TENM1: variants seen among roughly 807,000 people sequenced by gnomAD.
TENM1 encodes the protein teneurin-1.
TENM1 carries 35 observed loss-of-function variants against 174.8 expected under a neutral mutation model. The observed-to-expected ratio is 0.20, with a 90% CI of 0.15 to 0.27. TENM1 has a LOEUF of 0.27. Ranked by LOEUF, TENM1 falls within the 10% of genes least tolerant of loss-of-function variation. The pLI is 1.00. For missense variants in TENM1, 1,633 were observed against 2,130.1 expected, an observed-to-expected ratio of 0.77 and a Z score of 4.59; for synonymous variants, 781 against 798.7, an observed-to-expected ratio of 0.98 and a Z score of 0.37.
intron 23 of TENM1, among the ~76,000 whole-genome samples, chrX:124,428,803 A>G (rs2060746347): frequency 8.9e-6 from 1 of 111,743 alleles, no homozygotes; most frequent in African/African-American, 3.3e-5. Flanking sequence ...CTCCTTTTCA[A>G]CTGTGTTTCC....
At chrX:125,144,762 C>T in the TENM1 span, among the ~76,000 whole-genome samples, 21 of 105,104 alleles carry the variant, frequency 2.0e-4, no homozygotes, top group Non-Finnish European at 3.7e-4. Context: ...TTTTTTGAGA[C>T]AGTCTCACAC....
At chrX:124,748,637 T>C (rs990608191) in intron 3 of TENM1, among the ~76,000 whole-genome samples, 8 of 111,929 alleles carry the variant, frequency 7.1e-5, no homozygotes, top group African/African-American at 2.6e-4. Flanking sequence ...CTTTCTCTGC[T>C]ACTAATTTAC....
intron 1 of TENM1, among the ~76,000 whole-genome samples, chrX:124,905,827 G>A (rs191899299): frequency 3.6e-5 from 4 of 111,782 alleles, no homozygotes; most frequent in East Asian, 2.8e-4. Flanking sequence ...CAGCACATGC[G>A]TGCAAGAAAA....
In TENM1 at chrX:124,453,292, C is replaced by T. The variant is rs779852645; in HGVS notation, c.4104+45G>A. On this transcript the variant is annotated intron_variant, in intron 23 of 31. Coordinates refer to ENST00000422452, the Ensembl canonical transcript of TENM1. ...ACATGAGAAAATTGTTATCCATTTCCATGATGCCAAATGACAATAATACTT... is the reference window on the plus strand; with the variant it reads ...ACATGAGAAAATTGTTATCCATTTCTATGATGCCAAATGACAATAATACTT... 6.1e-6 allele frequency: 7 copies of T among 1,139,001 alleles called. No homozygotes were observed. In the Admixed American group the frequency reaches 1.8e-4, roughly 29 times the overall value. The allele number at this position is 1,139,001 out of a possible 1,213,427, so 93.9% of individuals were successfully genotyped here.
intron 3 of TENM1, among the ~76,000 whole-genome samples, chrX:124,767,796 G>A (rs910929050): frequency 1.8e-5 from 2 of 111,068 alleles, no homozygotes; most frequent in African/African-American, 6.5e-5. Flanking sequence ...GGCTGAGATG[G>A]TGGTTTAGAG....
intron 1 of TENM1, among the ~76,000 whole-genome samples, chrX:124,960,027 T>C (rs2058631453): frequency 8.9e-6 from 1 of 112,092 alleles, no homozygotes; most frequent in South Asian, 3.7e-4. Flanking sequence ...ACAATTCCCC[T>C]GTATACACTT....
chrX:125,100,144 GTGTATGTA>G, the TENM1 span, among the ~76,000 whole-genome samples: 1 of 111,795 alleles, frequency 8.9e-6, no homozygotes, highest in African/African-American at 3.3e-5. Flanking sequence ...TGTGTTATGT[GTGTATGTA>G]TGTATGTGTA....
At chrX:125,123,768 TTTAA>T in the TENM1 span, among the ~76,000 whole-genome samples, 5 of 112,495 alleles carry the variant, frequency 4.4e-5, no homozygotes, top group Non-Finnish European at 9.4e-5. Flanking sequence ...CACTCATGCA[TTTAA>T]TTTATTCCAG....
chrX:124,533,727 C>T (rs1472260813), intron 15 of TENM1, among the ~76,000 whole-genome samples: 2 of 112,015 alleles, frequency 1.8e-5, no homozygotes, highest in East Asian at 2.8e-4. Context: ...ATGATAGAAG[C>T]TACTGTCTGG....
chrX:124,732,765 G>C (rs1037118820), intron 4 of TENM1, among the ~76,000 whole-genome samples: 1 of 111,646 alleles, frequency 9.0e-6, no homozygotes, highest in Admixed American at 9.5e-5. Context: ...GAAACTATGT[G>C]GTAGACAAAA....
At chrX:124,791,733 A>G (rs2055184463) in intron 3 of TENM1, among the ~76,000 whole-genome samples, 1 of 111,579 alleles carries the variant, frequency 9.0e-6, no homozygotes, top group South Asian at 3.8e-4. Context: ...ATATTATGTG[A>G]CCCTGACAGG....
intron 21 of TENM1, among the ~76,000 whole-genome samples, chrX:124,486,369 A>C (rs1025513874): frequency 8.9e-5 from 10 of 112,394 alleles, no homozygotes; most frequent in Admixed American, 2.8e-4. Flanking sequence ...TATAATTAAT[A>C]CTGTGCAACA....
chrX:125,009,423 A>G, the TENM1 span, among the ~76,000 whole-genome samples: 34 of 111,341 alleles, frequency 3.1e-4, no homozygotes, highest in African/African-American at 1.0e-3. Flanking sequence ...TTCCCAGGAG[A>G]TGGATTCACG....
intron 22 of TENM1, among the ~76,000 whole-genome samples, chrX:124,454,559 A>C (rs756006404): frequency 1.8e-5 from 2 of 110,894 alleles, no homozygotes; most frequent in Non-Finnish European, 3.8e-5. Context: ...GCCTGCCAGC[A>C]CGCCTGGCTA....
At chrX:124,545,063 ATAGAAT>A (rs1174323833) in intron 15 of TENM1, among the ~76,000 whole-genome samples, 1 of 112,064 alleles carries the variant, frequency 8.9e-6, no homozygotes, top group Non-Finnish European at 1.9e-5. Flanking sequence ...TTTAGAGGAA[ATAGAAT>A]TAGATTGTTT....
chrX:124,551,515 AACACACACACACCCACACACAC>A (rs1322504940), intron 14 of TENM1, among the ~76,000 whole-genome samples: 2 of 95,894 alleles, frequency 2.1e-5, no homozygotes, highest in African/African-American at 7.7e-5. Context: ...AAGTGTTCTT[AACACACACACACCCACACACAC>A]ACACACACAC....
the TENM1 span, among the ~76,000 whole-genome samples, chrX:124,998,090 G>GAAA: frequency 1.0e-4 from 5 of 48,718 alleles, no homozygotes; most frequent in East Asian, 7.0e-4. Context: ...TCATTTTAGA[G>GAAA]AAAAAAAAAA....
At chrX:124,704,858 G>GA (rs879137184) in intron 5 of TENM1, among the ~76,000 whole-genome samples, 155 bp downstream of exon 8, 3,695 of 94,185 alleles carry the variant, frequency 0.039, 103 homozygotes, top group African/African-American at 0.094. Flanking sequence ...AGGTTAGGAA[G>GA]AAAAAAAAAA....
At chrX:125,064,732 G>T in the TENM1 span, among the ~76,000 whole-genome samples, 24 of 110,134 alleles carry the variant, frequency 2.2e-4, no homozygotes, top group African/African-American at 7.3e-4. Flanking sequence ...TCAGCCTCCT[G>T]ATTATCTGGG....
Sources: allele counts gnomAD v4.1 joint callset (sites outside exome capture counted in the v4.1 genomes callset), GRCh38; gene constraint gnomAD v4.1.1; transcripts MANE v1.5; gene names NCBI Gene and HGNC (gene_info 2026-07-23, HGNC 2026-07-21).